Variants in MSTO1 observed in about 807,000 individuals in gnomAD.
The protein encoded by MSTO1 is protein misato homolog 1.
Under a neutral mutation model 55.7 loss-of-function variants are expected in MSTO1, and 24 were observed. The observed-to-expected ratio is 0.43, with a 90% confidence interval of 0.31 to 0.61. The LOEUF (loss-of-function observed/expected upper bound fraction) is 0.61, where lower values mean the gene tolerates loss of function less well. Ranked by LOEUF, MSTO1 falls within the 20% of genes least tolerant of loss-of-function variation. The probability of loss-of-function intolerance (pLI) is 0.09; values close to 1 mark genes in which losing one functional copy is unlikely to be tolerated. For synonymous variants in MSTO1, 162 were observed against 252.8 expected, an observed-to-expected ratio of 0.64 and a Z score of 3.41; for missense variants, 363 against 625.7, an observed-to-expected ratio of 0.58 and a Z score of 4.48.
chr1:155,580,603 C>T, the MSTO1 span, among the ~76,000 whole-genome samples: 1 of 152,072 alleles, frequency 6.6e-6, no homozygotes, highest in African/African-American at 2.4e-5. Flanking sequence ...GGCAAGAATA[C>T]TCTTTTTGTT....
the MSTO1 span, chr1:155,602,253 T>C: frequency 5.0e-6 from 2 of 399,038 alleles, no homozygotes; most frequent in African/African-American, 2.2e-5. Context: ...CCGAGGAGGG[T>C]GAATCACTTG....
At chr1:155,582,611 A>C in the MSTO1 span, among the ~76,000 whole-genome samples, 1 of 151,872 alleles carries the variant, frequency 6.6e-6, no homozygotes, top group Non-Finnish European at 1.5e-5. Context: ...AGGTGCCCAC[A>C]ACAACACCCA....
chr1:155,605,003 G>C, the MSTO1 span, among the ~76,000 whole-genome samples: 1 of 152,228 alleles, frequency 6.6e-6, no homozygotes, highest in South Asian at 2.1e-4. Context: ...GCTCACGCCT[G>C]TAATCCCAGC....
At chr1:155,580,646 C>T in the MSTO1 span, among the ~76,000 whole-genome samples, 3 of 151,810 alleles carry the variant, frequency 2.0e-5, no homozygotes, top group Admixed American at 2.0e-4. Flanking sequence ...TGGCCAGGTG[C>T]GGTGGCTCAC....
chr1:155,573,123 C>T, the MSTO1 span, among the ~76,000 whole-genome samples: 4 of 152,168 alleles, frequency 2.6e-5, no homozygotes, highest in Non-Finnish European at 5.9e-5. Context: ...TTGAAGTTCC[C>T]TTAACCATGG....
the MSTO1 span, among the ~76,000 whole-genome samples, chr1:155,572,760 C>T: frequency 6.6e-6 from 1 of 151,980 alleles, no homozygotes. Context: ...AAGCGATTCT[C>T]CCACCTCAGC....
the MSTO1 span, among the ~76,000 whole-genome samples, chr1:155,565,329 T>C: frequency 2.0e-5 from 3 of 151,098 alleles, no homozygotes; most frequent in African/African-American, 4.9e-5. Flanking sequence ...AAAAGAAATA[T>C]TGAAATGAAT....
At chr1:155,591,298 T>G in the MSTO1 span, 2 of 1,491,444 alleles carry the variant, frequency 1.3e-6, no homozygotes, top group Admixed American at 2.0e-5. Context: ...GAAGGAGATA[T>G]GCGAAATTCC....
At chr1:155,574,834 G>A in the MSTO1 span, among the ~76,000 whole-genome samples, 491 of 149,922 alleles carry the variant, frequency 3.3e-3, 2 homozygotes, top group African/African-American at 0.012. Context: ...CTGAGCCACC[G>A]TGCACAGCCT....
the MSTO1 span, among the ~76,000 whole-genome samples, chr1:155,572,690 G>A: frequency 4.6e-5 from 7 of 151,950 alleles, no homozygotes; most frequent in Non-Finnish European, 1.0e-4. Context: ...CGCTCTTGTT[G>A]CCCAGGCTGG....
chr1:155,613,919 G>C (rs1294431868), intron 13 of MSTO1, 140 bp from the exon 14 acceptor site: 1 of 683,348 alleles, frequency 1.5e-6, no homozygotes, highest in Non-Finnish European at 2.5e-6. Context: ...CTGGAGTACT[G>C]GTGTACTAAG....
At chr1:155,563,300 C>G in the MSTO1 span, 1 of 455,994 alleles carries the variant, frequency 2.2e-6, no homozygotes, top group South Asian at 1.5e-5. Context: ...TGCCGGTCGC[C>G]TAGTCAGGAG....
At chr1:155,611,336 G>C in intron 4 of MSTO1, 45 bp downstream of exon 4, 1 of 1,613,960 alleles carries the variant, frequency 6.2e-7, no homozygotes, top group Non-Finnish European at 8.5e-7. Context: ...GCCACAACCC[G>C]AGGGTCTCCA....
chr1:155,595,451 T>C, the MSTO1 span, among the ~76,000 whole-genome samples: 1 of 151,482 alleles, frequency 6.6e-6, no homozygotes, highest in Non-Finnish European at 1.5e-5. Flanking sequence ...GTGCTGGGAT[T>C]ACAGGCGTGA....
In MSTO1 at chr1:155,614,697, C is replaced by G; in HGVS notation, c.*424C>G. On this transcript the variant is annotated 3_prime_UTR_variant, in exon 14 of 14. Coordinates refer to ENST00000245564, the MANE Select transcript of MSTO1 (RefSeq NM_018116.4). ...TGCCAGGGCGCCTGTTGGGTTTGGTCCTGTGTAGATGATTCCCAGAGTCTC... is the reference window on the plus strand; with the variant it reads ...TGCCAGGGCGCCTGTTGGGTTTGGTGCTGTGTAGATGATTCCCAGAGTCTC... The G allele has an allele frequency of 6.4e-6, 10 of 1,570,922 alleles. No homozygotes were observed. Among genetic ancestry groups the G allele is most frequent in the Non-Finnish European group, 8.8e-6 (10 of 1,141,702 alleles).
the MSTO1 span, among the ~76,000 whole-genome samples, chr1:155,600,756 A>G: frequency 6.6e-6 from 1 of 152,168 alleles, no homozygotes; most frequent in Non-Finnish European, 1.5e-5. Context: ...CCATGTTGGC[A>G]AGCTCCGCCT....
the MSTO1 span, among the ~76,000 whole-genome samples, chr1:155,599,346 T>A: frequency 6.6e-6 from 1 of 152,212 alleles, no homozygotes; most frequent in Admixed American, 6.5e-5. Context: ...TGCTAAGCAG[T>A]CCTTCTTTTG....
chr1:155,591,804 G>C, the MSTO1 span, among the ~76,000 whole-genome samples: 15 of 150,556 alleles, frequency 1.0e-4, no homozygotes, highest in Non-Finnish European at 1.3e-4. Flanking sequence ...AAAAAAAAAA[G>C]ATTCCATTTT....
chr1:155,598,794 C>CA, the MSTO1 span: 1 of 1,094,484 alleles, frequency 9.1e-7, no homozygotes, highest in East Asian at 2.5e-5. Context: ...ACCTTGTAGT[C>CA]ACGTTTTCTT....
Sources: gnomAD v4.1 joint callset for allele counts (sites outside exome capture counted in the v4.1 genomes callset) on GRCh38, gnomAD v4.1.1 for gene constraint, MANE v1.5 for transcripts, NCBI Gene and HGNC (gene_info 2026-07-23, HGNC 2026-07-21) for gene names.